NCKAP5: variants seen among roughly 807,000 people sequenced by gnomAD.
NCKAP5 encodes nck-associated protein 5.
NCKAP5 carries 92 observed loss-of-function variants against 167.0 expected under a neutral mutation model. The observed-to-expected ratio is 0.55, with a 90% CI of 0.47 to 0.66. The LOEUF is 0.66. Among genes scored for constraint, NCKAP5 ranks in the 30% least tolerant of loss-of-function variants. NCKAP5 has a pLI of 0.00. For synonymous variants in NCKAP5, 891 were observed against 877.4 expected, an observed-to-expected ratio of 1.02 and a Z score of -0.27; for missense variants, 2,378 against 2,315.0, an observed-to-expected ratio of 1.03 and a Z score of -0.56.
intron 6 of NCKAP5, among the ~76,000 whole-genome samples, chr2:133,025,723 T>C (rs2078673525): frequency 6.6e-6 from 1 of 152,210 alleles, no homozygotes; most frequent in Non-Finnish European, 1.5e-5. Context: ...GCACAGATTT[T>C]AGTGATATTT....
chr2:133,069,556 T>A (rs2149545860), intron 6 of NCKAP5, among the ~76,000 whole-genome samples: 1 of 152,306 alleles, frequency 6.6e-6, no homozygotes, highest in East Asian at 1.9e-4. Flanking sequence ...GGGTTACCCA[T>A]CCCCAGTATA....
At chr2:132,912,666 A>G (rs1694547343) in intron 8 of NCKAP5, among the ~76,000 whole-genome samples, 1 of 152,184 alleles carries the variant, frequency 6.6e-6, no homozygotes, top group Non-Finnish European at 1.5e-5. Flanking sequence ...CGACTCCCTC[A>G]CTGTTTCCTC....
At chr2:133,599,686 C>T in the NCKAP5 span, among the ~76,000 whole-genome samples, 1 of 150,874 alleles carries the variant, frequency 6.6e-6, no homozygotes, top group Non-Finnish European at 1.5e-5. Context: ...GAAGGGCAGG[C>T]AGTGGCAGTT....
chr2:132,721,168 C>T (rs36001845), intron 19 of NCKAP5, among the ~76,000 whole-genome samples: 17,390 of 151,820 alleles, frequency 0.11, 1,242 homozygotes, highest in East Asian at 0.16. Context: ...ATTAGCCAGA[C>T]GTGGCGGTGG....
the NCKAP5 span, among the ~76,000 whole-genome samples, chr2:133,588,985 G>A: frequency 6.6e-6 from 1 of 152,186 alleles, no homozygotes; most frequent in African/African-American, 2.4e-5. Context: ...CAGTGGTTGT[G>A]GAGGTCACAT....
chr2:132,835,759 T>A (rs1203003680), intron 11 of NCKAP5, among the ~76,000 whole-genome samples: 1 of 152,184 alleles, frequency 6.6e-6, no homozygotes, highest in Non-Finnish European at 1.5e-5. Flanking sequence ...AATTTTATTT[T>A]ATCCAAGTAA....
rs1203199243 is a variant in NCKAP5 at position 132,951,523 on chromosome 2, CTGCATATTTCCCA to C, written c.579+12184_579+12196del. ...ACACTGCTTTGGTTATAAAGTAAAA[CTGCATATTTCCCA>C]CTCCCTTTGTAGTGAGGCTCTAGGG... is the stretch of plus-strand genomic sequence containing the variant. On this transcript the variant is annotated intron_variant, in intron 8 of 19. Coordinates refer to ENST00000409261, the MANE Select transcript of NCKAP5 (RefSeq NM_207363.3). Among the ~76,000 whole-genome samples, 11 of 152,136 alleles carry C rather than the reference CTGCATATTTCCCA, an allele frequency of 7.2e-5. No homozygotes were observed. The East Asian group carries it at 2.1e-3, about 29-fold the overall frequency.
At chr2:133,450,132 C>A (rs181618514) in intron 3 of NCKAP5, among the ~76,000 whole-genome samples, 1 of 143,788 alleles carries the variant, frequency 7.0e-6, no homozygotes, top group Non-Finnish European at 1.5e-5. Flanking sequence ...CACGCACACA[C>A]ACGCGCGTGC....
chr2:132,923,877 A>G (rs1695637231), intron 8 of NCKAP5, among the ~76,000 whole-genome samples: 1 of 152,248 alleles, frequency 6.6e-6, no homozygotes, highest in Non-Finnish European at 1.5e-5. Flanking sequence ...AGCACCTTTT[A>G]TGAACATAAA....
chr2:133,548,912 C>A (rs1478434354), intron 2 of NCKAP5, among the ~76,000 whole-genome samples: 13 of 151,774 alleles, frequency 8.6e-5, no homozygotes, highest in Non-Finnish European at 1.3e-4. Context: ...CTAAATGCTC[C>A]AATTAAAAGA....
At chr2:133,254,201 C>T (rs917974276) in intron 4 of NCKAP5, among the ~76,000 whole-genome samples, 1 of 152,160 alleles carries the variant, frequency 6.6e-6, no homozygotes, top group South Asian at 2.1e-4. Context: ...AGAGAAGTGA[C>T]ACAATGCCAG....
At chr2:133,404,428 T>A (rs1012549864) in intron 3 of NCKAP5, among the ~76,000 whole-genome samples, 1 of 152,214 alleles carries the variant, frequency 6.6e-6, no homozygotes, top group Non-Finnish European at 1.5e-5. Context: ...CATAGATACA[T>A]ATATAGCTAT....
At chr2:132,838,869 C>T (rs977485496) in intron 11 of NCKAP5, among the ~76,000 whole-genome samples, 1 of 152,136 alleles carries the variant, frequency 6.6e-6, no homozygotes, top group Non-Finnish European at 1.5e-5. Context: ...GTATCCGTAA[C>T]AGTAATAAGC....
intron 8 of NCKAP5, among the ~76,000 whole-genome samples, chr2:132,913,124 T>C (rs918062255): frequency 1.3e-5 from 2 of 151,952 alleles, no homozygotes; most frequent in East Asian, 3.9e-4. Flanking sequence ...AGCTATGATA[T>C]GCCCTGGTGA....
chr2:133,545,427 CAG>C (rs1229603848), intron 2 of NCKAP5, among the ~76,000 whole-genome samples: 1 of 152,056 alleles, frequency 6.6e-6, no homozygotes, highest in Non-Finnish European at 1.5e-5. Context: ...CTGTCCAAGG[CAG>C]AGAGTGAAGG....
chr2:133,108,274 G>C (rs2081784844), intron 6 of NCKAP5, among the ~76,000 whole-genome samples: 1 of 152,136 alleles, frequency 6.6e-6, no homozygotes, highest in African/African-American at 2.4e-5. Context: ...GGACGGATAA[G>C]CACTGAATAA....
chr2:133,186,759 C>T lies in NCKAP5; in HGVS notation c.207+26957G>A, dbSNP rs562730137. ...TGCAGAGAGGTTTTCACAATACTCT[C>T]TGAGGATCTTTTGTATTTCTGTGAG... is the stretch of plus-strand genomic sequence containing the variant. On this transcript the variant is annotated intron_variant, in intron 5 of 19. Transcript: ENST00000409261. Among the ~76,000 whole-genome samples, 13 of 152,002 alleles carry T rather than the reference C, an allele frequency of 8.6e-5. No individual in the cohort carries two copies. The South Asian group carries it at 2.5e-3, about 29-fold the overall frequency.
the NCKAP5 span, among the ~76,000 whole-genome samples, chr2:133,673,918 A>G: frequency 6.6e-6 from 1 of 152,208 alleles, no homozygotes; most frequent in African/African-American, 2.4e-5. Context: ...GGAACTTTGT[A>G]TGTCTTTCAT....
chr2:133,249,742 A>G (rs563461434), intron 4 of NCKAP5, among the ~76,000 whole-genome samples: 1 of 151,814 alleles, frequency 6.6e-6, no homozygotes, highest in African/African-American at 2.4e-5. Flanking sequence ...CTGACTTGAA[A>G]CCAATAACTA....
Sources: allele counts gnomAD v4.1 joint callset (sites outside exome capture counted in the v4.1 genomes callset), GRCh38; gene constraint gnomAD v4.1.1; transcripts MANE v1.5; gene names NCBI Gene and HGNC (gene_info 2026-07-23, HGNC 2026-07-21).